Variants in ATF7 observed in about 807,000 individuals in gnomAD.
ATF7 encodes activating transcription factor 7, also known as cyclic AMP-dependent transcription factor ATF-7.
In ATF7, 10 loss-of-function variants were observed where a neutral mutation model predicts 50.4. The ratio of observed to expected loss-of-function variants is 0.20; its 90% CI spans 0.12 to 0.34. The LOEUF is 0.34. Among genes scored for constraint, ATF7 ranks in the 10% least tolerant of loss-of-function variants. The pLI, the probability that ATF7 is intolerant of heterozygous loss-of-function variation, is 1.00. For missense variants in ATF7, 465 were observed against 613.9 expected, an observed-to-expected ratio of 0.76 and a Z score of 2.56; for synonymous variants, 201 against 226.4, an observed-to-expected ratio of 0.89 and a Z score of 1.01.
intron 3 of ATF7, among the ~76,000 whole-genome samples, chr12:53,550,168 C>G (rs1419785604): frequency 4.0e-5 from 6 of 151,314 alleles, no homozygotes; most frequent in Non-Finnish European, 7.4e-5. Flanking sequence ...ACTAAAAATA[C>G]AAAAATTAGC....
In ATF7 at chr12:53,516,967, C is replaced by A; in HGVS notation, c.*170G>T. The A allele has an allele frequency of 1.3e-6, 1 of 755,066 alleles. No homozygotes were observed. The highest frequency in any genetic ancestry group is 1.8e-5 in the South Asian group (1 of 57,036). The allele number at this position is 755,066 out of a possible 1,614,324, so 46.8% of individuals were successfully genotyped here. On this transcript the variant is annotated 3_prime_UTR_variant, in exon 12 of 12. Transcript: ENST00000420353. ...GGAGGCCCCCAGCACAGGTGTCAAA[C>A]GTACATGACCACATGGCTAAAAAGC...
chr12:53,537,665 T>C, intron 4 of ATF7, 113 bp from the exon 5 acceptor site: 2 of 1,218,310 alleles, frequency 1.6e-6, no homozygotes, highest in Admixed American at 2.4e-5. Context: ...TCTGCTCTTA[T>C]ACAATGCACT....
chr12:53,576,063 A>G, intron 2 of ATF7: 1 of 157,202 alleles, frequency 6.4e-6, no homozygotes, highest in Non-Finnish European at 1.4e-5. Context: ...TTCAGCTTGA[A>G]GACATCTCTT....
intron 2 of ATF7, among the ~76,000 whole-genome samples, chr12:53,588,365 G>A (rs1277297908): frequency 1.3e-5 from 2 of 152,190 alleles, no homozygotes; most frequent in East Asian, 3.8e-4. Flanking sequence ...TTATTCAACA[G>A]GCGAGATCCT....
chr12:53,595,133 T>C (rs558230223), intron 2 of ATF7, among the ~76,000 whole-genome samples: 1 of 152,330 alleles, frequency 6.6e-6, no homozygotes, highest in African/African-American at 2.4e-5. Flanking sequence ...AATTATTGAA[T>C]GAAATATGAA....
intron 11 of ATF7, among the ~76,000 whole-genome samples, chr12:53,521,113 C>G (rs570652381): frequency 1.3e-4 from 20 of 152,194 alleles, no homozygotes; most frequent in African/African-American, 4.3e-4. Flanking sequence ...CTGCCTCAGG[C>G]TCCCAAGTAG....
intron 1 of ATF7, among the ~76,000 whole-genome samples, chr12:53,614,426 C>T (rs1565602154): frequency 6.6e-6 from 1 of 152,112 alleles, no homozygotes. Context: ...ATCCTCAAAA[C>T]AATAAGCCAA....
rs960042279 is a variant in ATF7 at position 53,524,496 on chromosome 12, C to A, written c.1125+68G>T. 4 of 1,561,480 alleles carry A rather than the reference C, an allele frequency of 2.6e-6. No homozygotes were observed. The Admixed American group carries it at 6.8e-5, about 27-fold the overall frequency. On this transcript the variant is annotated intron_variant, in intron 10 of 11. Transcript: ENST00000420353. The surrounding 1 kb of genome is among the most constrained non-coding windows in gnomAD (Gnocchi z 4.6). Reference sequence around the variant, plus strand: ...TACCATCTTCTATCAAATTGTACCACTTTTTTCTGATTCCATCCCACTTTC... The same window carrying A: ...TACCATCTTCTATCAAATTGTACCAATTTTTTCTGATTCCATCCCACTTTC...
chr12:53,561,211 G>T (rs1941081794), intron 2 of ATF7, among the ~76,000 whole-genome samples: 1 of 151,480 alleles, frequency 6.6e-6, no homozygotes, highest in African/African-American at 2.4e-5. Flanking sequence ...CAAAGAGCTG[G>T]GTTTATCTGC....
intron 3 of ATF7, among the ~76,000 whole-genome samples, chr12:53,544,476 G>C (rs1239537761): frequency 6.6e-6 from 1 of 152,210 alleles, no homozygotes; most frequent in Non-Finnish European, 1.5e-5. Context: ...GCTGGGCGCA[G>C]TGGCTCATGC....
intron 1 of ATF7, among the ~76,000 whole-genome samples, chr12:53,608,478 C>T (rs1434363393): frequency 1.3e-5 from 2 of 152,120 alleles, no homozygotes; most frequent in African/African-American, 4.8e-5. Context: ...TTCAAAATAG[C>T]TCCTCCTTTT....
At chr12:53,565,279 C>T (rs968741842) in intron 2 of ATF7, among the ~76,000 whole-genome samples, 1 of 151,338 alleles carries the variant, frequency 6.6e-6, no homozygotes, top group East Asian at 1.9e-4. Flanking sequence ...TAATTTCTTA[C>T]CAGTTTGGGT....
At chr12:53,601,241 T>C (rs188846587) in intron 1 of ATF7, among the ~76,000 whole-genome samples, 22 of 152,326 alleles carry the variant, frequency 1.4e-4, no homozygotes, top group African/African-American at 5.3e-4. Flanking sequence ...GAGATCTAAA[T>C]AGTCAAGGAA....
intron 4 of ATF7, among the ~76,000 whole-genome samples, chr12:53,539,788 A>T (rs183838248): frequency 6.7e-6 from 1 of 149,398 alleles, no homozygotes; most frequent in East Asian, 2.0e-4. Context: ...GAACTACAAG[A>T]CCAGGTGTGG....
chr12:53,546,633 A>T (rs145711086), intron 3 of ATF7, among the ~76,000 whole-genome samples: 6,408 of 151,636 alleles, frequency 0.042, 381 homozygotes, highest in African/African-American at 0.13. Flanking sequence ...TATTTTTAGT[A>T]GAGACAGGGT....
rs775588703 is a variant in ATF7, at chr12:53,531,806, G to A, written c.865C>T (p.Arg289Cys). Residue 289 changes from arginine to cysteine, a missense_variant, in exon 9 of 12, where the codon CGC becomes TGC. Physicochemically the swap from Arg to Cys is radical, Grantham distance 180. Coordinates refer to ENST00000420353, the MANE Select transcript of ATF7 (RefSeq NM_006856.3). ...VGTASTMVTA[R>C]PEQSQILIQH... ...ATGAGAATCTGGCTCTGCTCTGGGC[G>A]GGCTGTCACCATGGTGCTGGCAGTA... 38 of 1,612,702 alleles carry A rather than the reference G, an allele frequency of 2.4e-5. No homozygotes were observed. The highest frequency in any genetic ancestry group is 1.7e-4 in the Middle Eastern group (1 of 5,892).
chr12:53,608,651 C>T (rs188394677), intron 1 of ATF7, among the ~76,000 whole-genome samples: 9 of 152,220 alleles, frequency 5.9e-5, no homozygotes, highest in Non-Finnish European at 1.3e-4. Context: ...AGCTGAAAAA[C>T]TTAGAAAGGT....
intron 2 of ATF7, among the ~76,000 whole-genome samples, chr12:53,587,843 A>ATATATATATATATTTTTTTT: frequency 1.6e-5 from 1 of 61,566 alleles, no homozygotes; most frequent in Non-Finnish European, 3.4e-5. Flanking sequence ...ATATATATAT[A>ATATATATATATATTTTTTTT]TTTTTTTTTT....
At chr12:53,616,771 C>T (rs887133818) in intron 1 of ATF7, among the ~76,000 whole-genome samples, 5 of 151,408 alleles carry the variant, frequency 3.3e-5, no homozygotes, top group African/African-American at 1.2e-4. Flanking sequence ...AGTGAAACCC[C>T]ATCTCTACTA....
Sources: allele counts gnomAD v4.1 joint callset (sites outside exome capture counted in the v4.1 genomes callset), GRCh38; gene constraint gnomAD v4.1.1; non-coding constraint Gnocchi (gnomAD v3.1); transcripts MANE v1.5; gene names NCBI Gene and HGNC (gene_info 2026-07-23, HGNC 2026-07-21).